The following LEPR variants were observed in gnomAD, a reference collection of about 807,000 sequenced individuals.
LEPR encodes the protein OB receptor.
Under a neutral mutation model 114.7 loss-of-function variants are expected in LEPR, and 56 were observed. The observed-to-expected ratio is 0.49, with a 90% CI of 0.39 to 0.61. LEPR has a LOEUF of 0.61. Among genes scored for constraint, LEPR ranks in the 20% least tolerant of loss-of-function variants. LEPR has a pLI of 0.00. For synonymous variants in LEPR, 443 were observed against 461.4 expected, an observed-to-expected ratio of 0.96 and a Z score of 0.51; for missense variants, 1,202 against 1,352.9, an observed-to-expected ratio of 0.89 and a Z score of 1.75.
chr1:65,513,821 T>A (rs1216932281), intron 2 of LEPR, among the ~76,000 whole-genome samples: 3 of 152,242 alleles, frequency 2.0e-5, no homozygotes, highest in Non-Finnish European at 4.4e-5. Flanking sequence ...TCAGGTAATA[T>A]TCTAGGAGTT....
rs144787278 is a variant in LEPR, at chr1:65,424,071, G to A, written c.-96-1232G>A. On this transcript the variant is annotated intron_variant, in intron 1 of 19. Transcript: ENST00000349533. ...ACCCAAAGTCATAAGACCAGATGGTGGCAGAGTTAAGATTTGACTCATGTT... is the reference window on the plus strand; with the variant it reads ...ACCCAAAGTCATAAGACCAGATGGTAGCAGAGTTAAGATTTGACTCATGTT... Among the ~76,000 whole-genome samples, 462 of 152,300 alleles carry A rather than the reference G, an allele frequency of 3.0e-3. 3 individuals are homozygous for A. Among genetic ancestry groups the A allele is most frequent in the Non-Finnish European group, 5.0e-3 (337 of 68,040 alleles).
chr1:65,510,612 T>G (rs1476025659), intron 2 of LEPR, among the ~76,000 whole-genome samples: 1 of 152,360 alleles, frequency 6.6e-6, no homozygotes, highest in East Asian at 1.9e-4. Flanking sequence ...GGCATTTTTA[T>G]GTGCATTGCC....
intron 10 of LEPR, among the ~76,000 whole-genome samples, chr1:65,604,643 C>T (rs1656688774): frequency 6.6e-6 from 1 of 152,276 alleles, no homozygotes; most frequent in African/African-American, 2.4e-5. Context: ...AACTTGGGGT[C>T]CCCAGTCCCT....
intron 3 of LEPR, among the ~76,000 whole-genome samples, chr1:65,569,424 T>TG (rs1653996489): frequency 6.6e-6 from 1 of 152,166 alleles, no homozygotes. Context: ...AAAATAAGTT[T>TG]GGCTGGGTGC....
intron 2 of LEPR, among the ~76,000 whole-genome samples, chr1:65,426,508 G>A (rs530484004): frequency 6.6e-6 from 1 of 152,224 alleles, no homozygotes; most frequent in South Asian, 2.1e-4. Flanking sequence ...TGAGACTGCA[G>A]TCAGGGAGAA....
Position 65,638,261 on chromosome 1 carries a change from TG to T in LEPR, c.*1248del, listed in dbSNP as rs1221821028. The T allele has an allele frequency of 6.6e-6, 1 of 152,178 alleles. No individual in the cohort carries two copies. Among genetic ancestry groups the T allele is most frequent in the African/African-American group, 2.4e-5 (1 of 41,442 alleles). The allele number at this position is 152,178 out of a possible 1,614,324, so 9.4% of individuals were successfully genotyped here. On this transcript the variant is annotated 3_prime_UTR_variant, in exon 20 of 20. Transcript: ENST00000349533. ...AATGTATTAAGTAGAAGTATAATGC[TG>T]GATGAGAAATTAAGTGAGAATTGCA...
intron 2 of LEPR, among the ~76,000 whole-genome samples, chr1:65,489,897 C>T (rs1647774743): frequency 6.6e-6 from 1 of 152,028 alleles, no homozygotes; most frequent in Admixed American, 6.6e-5. Flanking sequence ...AAAGAAGGCA[C>T]AATTTTTTTT....
Position 65,470,203 on chromosome 1 carries a change from G to A in LEPR, c.-21+44825G>A, listed in dbSNP as rs76252859. ...TATTTTAAACACTTATTGTGCCAAT[G>A]TTGACATTTTAATAGCCCAAGAGGG... On this transcript the variant is annotated intron_variant, in intron 2 of 19. Transcript: ENST00000349533. 1.8e-4 allele frequency among the ~76,000 whole-genome samples: 28 copies of A among 152,302 alleles called. 1 individual carries two copies. The East Asian group carries it at 5.4e-3, about 29-fold the overall frequency.
chr1:65,451,660 G>A (rs1423021565), intron 2 of LEPR, among the ~76,000 whole-genome samples: 20 of 151,586 alleles, frequency 1.3e-4, no homozygotes, highest in Admixed American at 3.3e-4. Context: ...TACCAGTACC[G>A]TGCTGTTTTG....
intron 2 of LEPR, among the ~76,000 whole-genome samples, chr1:65,485,711 A>G (rs1340219760): frequency 6.6e-6 from 1 of 152,188 alleles, no homozygotes; most frequent in Non-Finnish European, 1.5e-5. Context: ...GTCACAATAG[A>G]TCCTATAGTG....
rs140762092 is a variant in LEPR, at chr1:65,488,214, C to G, written c.-21+62836C>G. ...TTTCTTTCTTTCTTTCTTTCTTTCTCTCTCTCTCTCTCTCTTTCTTTCTTT... is the reference window on the plus strand; with the variant it reads ...TTTCTTTCTTTCTTTCTTTCTTTCTGTCTCTCTCTCTCTCTTTCTTTCTTT... On this transcript the variant is annotated intron_variant, in intron 2 of 19. Transcript: ENST00000349533. Among the ~76,000 whole-genome samples, 7 of 46,794 alleles carry G rather than the reference C, an allele frequency of 1.5e-4. No homozygotes were observed. In the East Asian group the frequency reaches 5.4e-3, roughly 36 times the overall value. The allele number at this position is 46,794 out of a possible 152,430, so 30.7% of individuals were successfully genotyped here. A position where few individuals can be genotyped will look rare whatever the true frequency, so the allele number is the denominator to read the frequency against.
At chr1:65,449,120 C>T (rs1198072453) in intron 2 of LEPR, among the ~76,000 whole-genome samples, 4 of 152,208 alleles carry the variant, frequency 2.6e-5, no homozygotes, top group African/African-American at 9.6e-5. Context: ...TCTCGAACTC[C>T]TAACCTCTAG....
intron 5 of LEPR, among the ~76,000 whole-genome samples, chr1:65,583,294 G>A (rs1402810958): frequency 2.6e-5 from 4 of 152,176 alleles, no homozygotes; most frequent in Non-Finnish European, 4.4e-5. Context: ...AAAACTTACA[G>A]TGGGGCCACT....
At chr1:65,497,281 AG>A (rs1157242675) in intron 2 of LEPR, among the ~76,000 whole-genome samples, 2 of 152,230 alleles carry the variant, frequency 1.3e-5, no homozygotes, top group Admixed American at 1.3e-4. Context: ...AAGCAAATTC[AG>A]AAAAATTCAG....
At position 65,638,895 on chromosome 1, in the gene LEPR, CACAGAA is replaced by C. The variant is rs1658794925; in HGVS notation, c.*1886_*1891del. ...GGATAATTTTACATGGCTTTAGAGA[CACAGAA>C]ACAGATAAATTATTACATGTATAAA... is the stretch of plus-strand genomic sequence containing the variant. On this transcript the variant is annotated 3_prime_UTR_variant, in exon 20 of 20. Coordinates refer to ENST00000349533, the MANE Select transcript of LEPR (RefSeq NM_002303.6). 6.6e-6 allele frequency: 1 copy of C among 151,930 alleles called. No homozygotes were observed. The highest frequency in any genetic ancestry group is 2.1e-4 in the South Asian group (1 of 4,824). 9.4% of individuals were successfully genotyped at this position (151,930 alleles called of 1,614,324 possible). A position where few individuals can be genotyped will look rare whatever the true frequency, so the allele number is the denominator to read the frequency against.
chr1:65,631,055 T>G (rs540475948), intron 19 of LEPR, among the ~76,000 whole-genome samples: 46 of 152,250 alleles, frequency 3.0e-4, no homozygotes, highest in African/African-American at 1.1e-3. Flanking sequence ...GTAGACAGGC[T>G]GACTGGGAGC....
chr1:65,423,501 G>C (rs905062780), intron 1 of LEPR, among the ~76,000 whole-genome samples: 1 of 152,184 alleles, frequency 6.6e-6, no homozygotes, highest in Non-Finnish European at 1.5e-5. Flanking sequence ...GGGTACTGCC[G>C]ATGGTCAGGC....
chr1:65,463,309 G>A (rs1646969309), intron 2 of LEPR, among the ~76,000 whole-genome samples: 1 of 152,072 alleles, frequency 6.6e-6, no homozygotes, highest in Non-Finnish European at 1.5e-5. Context: ...TTTGTGTCAG[G>A]TTTGTCAAAG....
At chr1:65,518,998 C>CTT (rs372388289) in intron 2 of LEPR, among the ~76,000 whole-genome samples, 1 of 121,530 alleles carries the variant, frequency 8.2e-6, no homozygotes, top group Non-Finnish European at 2.0e-5. Flanking sequence ...TTCCTTCCTT[C>CTT]TTTCTTCTTT....
Sources: gnomAD v4.1 joint callset for allele counts (sites outside exome capture counted in the v4.1 genomes callset) on GRCh38, gnomAD v4.1.1 for gene constraint, MANE v1.5 for transcripts, NCBI Gene and HGNC (gene_info 2026-07-23, HGNC 2026-07-21) for gene names.